NAA35: variants seen among roughly 807,000 people sequenced by gnomAD.
NAA35 encodes N-alpha-acetyltransferase 35, NatC auxiliary subunit, also known as MAK10 homolog, amino-acid N-acetyltransferase subunit.
In NAA35, 18 loss-of-function variants were observed where a neutral mutation model predicts 101.7. The observed-to-expected ratio is 0.18, with a 90% CI of 0.12 to 0.26. The LOEUF (loss-of-function observed/expected upper bound fraction) is 0.26, where lower values mean the gene tolerates loss of function less well. NAA35 is among the 10% of genes least tolerant of loss of function. NAA35 has a pLI of 1.00. For missense variants in NAA35, 601 were observed against 886.8 expected, an observed-to-expected ratio of 0.68 and a Z score of 4.09; for synonymous variants, 267 against 273.1, an observed-to-expected ratio of 0.98 and a Z score of 0.22.
intron 21 of NAA35, 55 bp downstream of exon 21, chr9:86,018,876 C>T: frequency 1.3e-6 from 2 of 1,584,090 alleles, no homozygotes; most frequent in Non-Finnish European, 8.6e-7. Flanking sequence ...AAATACATCT[C>T]TTACTGCTGG....
intron 4 of NAA35, 71 bp downstream of exon 4, chr9:85,958,657 A>G: frequency 1.1e-6 from 1 of 942,124 alleles, no homozygotes; most frequent in Non-Finnish European, 1.6e-6. Context: ...GGTGCTTAAT[A>G]ATGAAATGAA....
chr9:85,974,083 A>T (rs996556526), intron 6 of NAA35, among the ~76,000 whole-genome samples: 1 of 151,898 alleles, frequency 6.6e-6, no homozygotes, highest in African/African-American at 2.4e-5. Context: ...CAGCCTCCCA[A>T]ATAGCTGGGA....
chr9:85,952,355 G>A (rs1432492425), intron 2 of NAA35, among the ~76,000 whole-genome samples: 2 of 147,790 alleles, frequency 1.4e-5, no homozygotes, highest in Non-Finnish European at 3.0e-5. Flanking sequence ...GCGCCATCTC[G>A]GCTCACTACA....
chr9:85,974,902 T>G, intron 6 of NAA35, 65 bp from the exon 7 acceptor site: 2 of 1,110,482 alleles, frequency 1.8e-6, no homozygotes. Flanking sequence ...AAGAAAAGTT[T>G]TATATTTTGC....
intron 2 of NAA35, among the ~76,000 whole-genome samples, chr9:85,945,155 C>A (rs1169216512): frequency 6.6e-6 from 1 of 152,132 alleles, no homozygotes; most frequent in Non-Finnish European, 1.5e-5. Context: ...ATCCATGTTT[C>A]ACTGTGGATA....
intron 11 of NAA35, among the ~76,000 whole-genome samples, chr9:85,981,683 G>A (rs1830447059): frequency 6.6e-6 from 1 of 152,170 alleles, no homozygotes; most frequent in South Asian, 2.1e-4. Flanking sequence ...GACTAAGCAA[G>A]TGAAATTTTA....
At chr9:86,002,553 CT>C (rs1564318752) in intron 12 of NAA35, among the ~76,000 whole-genome samples, 1 of 151,788 alleles carries the variant, frequency 6.6e-6, no homozygotes, top group African/African-American at 2.4e-5. Flanking sequence ...TTTTTCATTC[CT>C]TTTTCTTCTT....
chr9:85,991,588 G>A (rs1264293035), intron 11 of NAA35, among the ~76,000 whole-genome samples: 2 of 152,116 alleles, frequency 1.3e-5, no homozygotes, highest in Non-Finnish European at 2.9e-5. Context: ...CTTCTGTGCA[G>A]AAAGGTGGCC....
intron 11 of NAA35, among the ~76,000 whole-genome samples, chr9:85,981,789 T>C (rs1342535798): frequency 6.6e-6 from 1 of 152,214 alleles, no homozygotes; most frequent in Non-Finnish European, 1.5e-5. Context: ...AGCTGTACGA[T>C]TCTATAATTA....
chr9:86,016,711 G>T, intron 18 of NAA35, 36 bp downstream of exon 18: 1 of 1,589,798 alleles, frequency 6.3e-7, no homozygotes, highest in Non-Finnish European at 8.5e-7. Flanking sequence ...AGAACAGAGT[G>T]TACTTTAATT....
At chr9:85,997,875 A>G (rs1381889307) in intron 12 of NAA35, among the ~76,000 whole-genome samples, 1 of 152,012 alleles carries the variant, frequency 6.6e-6, no homozygotes, top group African/African-American at 2.4e-5. Context: ...ACATACATAC[A>G]TACATATATA....
chr9:85,967,292 C>G (rs975386435), intron 6 of NAA35, among the ~76,000 whole-genome samples: 1 of 151,962 alleles, frequency 6.6e-6, no homozygotes, highest in African/African-American at 2.4e-5. Flanking sequence ...TGCTTAATAA[C>G]ATGGAGAAAT....
At chr9:86,008,931 G>C (rs1831769811) in intron 14 of NAA35, among the ~76,000 whole-genome samples, 2 of 152,098 alleles carry the variant, frequency 1.3e-5, no homozygotes, top group Non-Finnish European at 2.9e-5. Context: ...ATTTGTCCCT[G>C]TTATTACTTA....
chr9:85,962,193 A>G lies in NAA35; in HGVS notation c.516+13A>G. The G allele has an allele frequency of 6.2e-7, 1 of 1,611,652 alleles. No individual in the cohort carries two copies. Among genetic ancestry groups the G allele is most frequent in the South Asian group, 1.1e-5 (1 of 90,912 alleles). ...TGTTTTTGAAGAGGTAAGATTTCGT[A>G]ATGTAAGAAATCCTTGGCCAGGTGC... is the stretch of plus-strand genomic sequence containing the variant. On this transcript the variant is annotated intron_variant, in intron 6 of 22. Transcript: ENST00000361671.
intron 13 of NAA35, among the ~76,000 whole-genome samples, chr9:86,004,650 A>C (rs1831554649): frequency 6.6e-6 from 1 of 152,234 alleles, no homozygotes; most frequent in South Asian, 2.1e-4. Flanking sequence ...GAAAATATTC[A>C]TGAAGTCAAT....
chr9:86,022,045 C>A lies in NAA35; in HGVS notation c.*85C>A. ...GGGCACATCACCAGGCTCCACATCA[C>A]GGGAAGTGAGATGGATTTCTTGGGT... On this transcript the variant is annotated 3_prime_UTR_variant, in exon 23 of 23. Transcript: ENST00000361671. The A allele has an allele frequency of 9.9e-7, 1 of 1,005,306 alleles. No individual in the cohort carries two copies. Among genetic ancestry groups the A allele is most frequent in the Admixed American group, 2.3e-5 (1 of 43,010 alleles). 62.3% of individuals were successfully genotyped at this position (1,005,306 alleles called of 1,614,324 possible). A position where few individuals can be genotyped will look rare whatever the true frequency, so the allele number is the denominator to read the frequency against.
chr9:86,017,377 A>G (rs1445717130), intron 18 of NAA35, 121 bp from the exon 19 acceptor site: 5 of 749,570 alleles, frequency 6.7e-6, no homozygotes, highest in Non-Finnish European at 1.1e-5. Flanking sequence ...GTAGGAACAC[A>G]CTGAAGTTTT....
At chr9:85,988,445 A>G (rs751953552) in intron 11 of NAA35, among the ~76,000 whole-genome samples, 4 of 152,244 alleles carry the variant, frequency 2.6e-5, no homozygotes, top group Non-Finnish European at 5.9e-5. Flanking sequence ...TAGAAGAGAA[A>G]AATCCTGAGA....
chr9:85,942,214 C>T lies in NAA35; in HGVS notation c.55C>T (p.Pro19Ser). Residue 19 changes from proline to serine, a missense_variant, in exon 2 of 23, where the codon CCA (proline) becomes TCA (serine). Physicochemically the swap from Pro to Ser is moderately conservative, Grantham distance 74 (BLOSUM62 -1). Coordinates refer to ENST00000361671, the MANE Select transcript of NAA35 (RefSeq NM_024635.4). ...CGATTCAGGATGGGAGCTCAGTATG[C>T]CAGAAAAAATGGAGAAAAGCAATAC... Reference protein sequence around the residue: ...DDDSGWELSMPEKMEKSNTNW... With the variant: ...DDDSGWELSMSEKMEKSNTNW... 1.2e-6 allele frequency: 2 copies of T among 1,613,918 alleles called. No homozygotes were observed. Among genetic ancestry groups the T allele is most frequent in the East Asian group, 2.2e-5 (1 of 44,858 alleles).
Sources: allele counts gnomAD v4.1 joint callset (sites outside exome capture counted in the v4.1 genomes callset), GRCh38; gene constraint gnomAD v4.1.1; transcripts MANE v1.5; gene names NCBI Gene and HGNC (gene_info 2026-07-23, HGNC 2026-07-21).